The following ANTXRL variants were observed in gnomAD, a reference collection of about 807,000 sequenced individuals.
ANTXRL encodes anthrax toxin receptor-like.
In ANTXRL, 63 loss-of-function variants were observed where a neutral mutation model predicts 75.4. That is an observed-to-expected ratio of 0.84 (90% confidence interval 0.68 to 1.03). The LOEUF is 1.03. Ranked by LOEUF, ANTXRL falls within the 50% of genes least tolerant of loss-of-function variation. The pLI, the probability that ANTXRL is intolerant of heterozygous loss-of-function variation, is 0.00. For synonymous variants in ANTXRL, 335 were observed against 291.3 expected, an observed-to-expected ratio of 1.15 and a Z score of -1.53; for missense variants, 797 against 789.4, an observed-to-expected ratio of 1.01 and a Z score of -0.12.
chr10:46,293,299 TGTGTGTGTGTGCGTGTGTGC>T (rs1837110554), intron 2 of ANTXRL, among the ~76,000 whole-genome samples: 1 of 40,446 alleles, frequency 2.5e-5, no homozygotes, highest in Admixed American at 2.7e-4. Context: ...CGTGTGTGCC[TGTGTGTGTGTGCGTGTGTGC>T]CTGTGTGTGA....
intron 13 of ANTXRL, 91 bp from the exon 14 acceptor site, chr10:46,310,370 G>C: frequency 8.1e-7 from 1 of 1,241,934 alleles, no homozygotes; most frequent in Non-Finnish European, 1.1e-6. Flanking sequence ...CTGTCCTGGT[G>C]CTCCAGGCCA....
At chr10:46,300,973 C>T (rs1322280556) in intron 9 of ANTXRL, among the ~76,000 whole-genome samples, 6 of 150,560 alleles carry the variant, frequency 4.0e-5, no homozygotes, top group Admixed American at 4.0e-4. Context: ...TGGCCATGTT[C>T]CTTTATCTCT....
At position 46,330,064 on chromosome 10, in the gene ANTXRL, C is replaced by T. The variant is rs782628461; in HGVS notation, c.1876C>T (p.Pro626Ser). The change falls in exon 17 of 17, where the codon CCC becomes TCC. Residue 626 changes from proline to serine, a missense_variant. By Grantham distance (74) the Pro-to-Ser change is moderately conservative (BLOSUM62 -1). Transcript: ENST00000620264. ...GGCAGAACCCCCTTTGTCACTCCCC[C>T]CCTCAGAGCCCAACTTCTAAGGCAC... ...HTAEPPLSLPPSEPNF is the reference protein window; with the variant it reads ...HTAEPPLSLPSSEPNF 43 of 1,520,262 alleles carry T rather than the reference C, an allele frequency of 2.8e-5. No homozygotes were observed. The highest frequency in any genetic ancestry group is 1.7e-4 in the South Asian group (14 of 81,872). The allele number at this position is 1,520,262 out of a possible 1,614,324, so 94.2% of individuals were successfully genotyped here.
rs574005051 is a variant in ANTXRL at position 46,307,217 on chromosome 10, G to A, written c.966-185G>A. 2.4e-4 allele frequency among the ~76,000 whole-genome samples: 37 copies of A among 152,178 alleles called. 1 individual carries two copies. Among genetic ancestry groups the A allele is most frequent in the Admixed American group, 1.6e-3 (25 of 15,284 alleles). Reference sequence around the variant, plus strand: ...GCAGCAGTCCCTGGTCATTTAGGACGCGGTCACAATGGCATGAGACCCCAT... The same window carrying A: ...GCAGCAGTCCCTGGTCATTTAGGACACGGTCACAATGGCATGAGACCCCAT... On this transcript the variant is annotated intron_variant, in intron 11 of 16. Transcript: ENST00000620264.
rs571951525 is a variant in ANTXRL at position 46,314,469 on chromosome 10, C to T, written c.1410+1153C>T. On this transcript the variant is annotated intron_variant, in intron 16 of 16. Coordinates refer to ENST00000620264, the MANE Select transcript of ANTXRL (RefSeq NM_001278688.3). Reference sequence around the variant, plus strand: ...CTTAGGAGGGATAGAGCTTGACGGCCGAGTGTGAAAACAGGCACCTCAAGC... The same window carrying T: ...CTTAGGAGGGATAGAGCTTGACGGCTGAGTGTGAAAACAGGCACCTCAAGC... Among the ~76,000 whole-genome samples, 21 of 152,064 alleles carry T rather than the reference C, an allele frequency of 1.4e-4. No homozygotes were observed. In the East Asian group the frequency reaches 3.5e-3, roughly 25 times the overall value.
At chr10:46,309,015 A>C in intron 12 of ANTXRL, 98 bp from the exon 13 acceptor site, 1 of 1,500,936 alleles carries the variant, frequency 6.7e-7, no homozygotes. Flanking sequence ...ATGCGGGGCC[A>C]GCTAGGGAGA....
chr10:46,293,880 C>G lies in ANTXRL; in HGVS notation c.372C>G (p.Val124=), dbSNP rs1554957659. 6.5e-7 allele frequency: 1 copy of G among 1,535,728 alleles called. No individual in the cohort carries two copies. The highest frequency in any genetic ancestry group is 2.4e-5 in the East Asian group (1 of 40,898). ...CCTACTCCACAGACGGCCAGACTGT[C>G]TTGCCACTCACCTCAGACAAGTGAG... ...FITYSTDGQT[V]LPLTSDKNRI... The change falls in exon 3 of 17, where the codon GTC becomes GTG. Residue 124 remains valine, a synonymous_variant. Transcript: ENST00000620264.
At chr10:46,324,672 ATTAT>A (rs1486920854) in intron 16 of ANTXRL, among the ~76,000 whole-genome samples, 2 of 152,136 alleles carry the variant, frequency 1.3e-5, no homozygotes, top group South Asian at 2.1e-4. Flanking sequence ...CGCACTTTTA[ATTAT>A]TTCTCTATCA....
chr10:46,294,729 C>T lies in ANTXRL; in HGVS notation c.392+829C>T, dbSNP rs190384112. Among the ~76,000 whole-genome samples, 405 of 152,160 alleles carry T rather than the reference C, an allele frequency of 2.7e-3. 4 individuals carry two copies. The highest frequency in any genetic ancestry group is 8.7e-3 in the African/African-American group (362 of 41,506). On this transcript the variant is annotated intron_variant, in intron 3 of 16. Transcript: ENST00000620264. ...GCAAGTCTATGGGGGAGGACTGTGG[C>T]GAGTGACCCAGACGGGGAGCGGGGT...
chr10:46,319,698 G>A (rs549320220), intron 16 of ANTXRL, among the ~76,000 whole-genome samples: 4 of 152,110 alleles, frequency 2.6e-5, no homozygotes, highest in African/African-American at 7.2e-5. Context: ...CTGGAAAGTC[G>A]CTAGAATAAA....
intron 3 of ANTXRL, among the ~76,000 whole-genome samples, chr10:46,294,529 C>G (rs186555811): frequency 6.8e-4 from 103 of 152,196 alleles, no homozygotes; most frequent in African/African-American, 2.5e-3. Context: ...TGCACATGCC[C>G]GGAACTGGGC....
intron 16 of ANTXRL, among the ~76,000 whole-genome samples, chr10:46,322,315 A>T (rs1002826140): frequency 6.6e-6 from 1 of 151,970 alleles, no homozygotes; most frequent in Non-Finnish European, 1.5e-5. Flanking sequence ...AAAATTAGCC[A>T]GGTGTGGTGG....
At chr10:46,296,725 G>A (rs573317254) in intron 5 of ANTXRL, among the ~76,000 whole-genome samples, 3 of 152,280 alleles carry the variant, frequency 2.0e-5, no homozygotes, top group Non-Finnish European at 2.9e-5. Flanking sequence ...GAGGAAAGGC[G>A]TTGAGGTGGC....
chr10:46,297,240 C>T lies in ANTXRL; in HGVS notation c.509-12C>T. 1 of 1,535,966 alleles carries T rather than the reference C, an allele frequency of 6.5e-7. No homozygotes were observed. The highest frequency in any genetic ancestry group is 8.7e-7 in the Non-Finnish European group (1 of 1,146,480). On this transcript the variant is annotated splice_polypyrimidine_tract_variant and intron_variant, in intron 5 of 16. Transcript: ENST00000620264. ...CCTTTGCTGAGCAGGCCACTCTTTG[C>T]TTCTTCTACAGACAAGGTTCCCAGC...
intron 12 of ANTXRL, among the ~76,000 whole-genome samples, chr10:46,308,020 G>C (rs1182995627): frequency 1.3e-5 from 2 of 152,182 alleles, no homozygotes; most frequent in East Asian, 3.9e-4. Flanking sequence ...TGGAGATGCT[G>C]TGCCCCAGGT....
At chr10:46,316,403 A>G (rs1838726909) in intron 16 of ANTXRL, among the ~76,000 whole-genome samples, 2 of 152,164 alleles carry the variant, frequency 1.3e-5, no homozygotes, top group African/African-American at 2.4e-5. Flanking sequence ...AAAGTTAGGT[A>G]ACCCACCCAG....
At chr10:46,329,406 C>T (rs750588377) in intron 16 of ANTXRL, among the ~76,000 whole-genome samples, 193 bp from the exon 17 acceptor site, 52 of 152,192 alleles carry the variant, frequency 3.4e-4, no homozygotes, top group Non-Finnish European at 7.2e-4. Context: ...GGACTTTGAA[C>T]GCTGGAGCTG....
intron 1 of ANTXRL, among the ~76,000 whole-genome samples, chr10:46,290,615 A>G (rs1395664596): frequency 1.3e-5 from 2 of 152,172 alleles, no homozygotes; most frequent in East Asian, 3.8e-4. Context: ...GTTTTTGATA[A>G]TAGTCACCCC....
chr10:46,297,257 GT>G lies in ANTXRL; in HGVS notation c.516del (p.Ser174AlafsTer2). On this transcript the variant is annotated frameshift_variant, in exon 6 of 17. Transcript: ENST00000620264. LOFTEE classifies it high-confidence loss of function. Reference protein sequence around the residue: ...QIESFNSGNKVPSMIIAMTDG... With the variant: ...QIESFNSGNKXPSMIIAMTDG... ...ACTCTTTGCTTCTTCTACAGACAAGGTTCCCAGCATGATTATTGCTATGACT... is the reference window on the plus strand; with the variant it reads ...ACTCTTTGCTTCTTCTACAGACAAGGTCCCAGCATGATTATTGCTATGACT... 1 of 1,536,400 alleles carries G rather than the reference GT, an allele frequency of 6.5e-7. No individual in the cohort carries two copies. Among genetic ancestry groups the G allele is most frequent in the Non-Finnish European group, 8.7e-7 (1 of 1,146,806 alleles).
Sources: allele counts gnomAD v4.1 joint callset (sites outside exome capture counted in the v4.1 genomes callset), GRCh38; gene constraint gnomAD v4.1.1; transcripts MANE v1.5; gene names NCBI Gene and HGNC (gene_info 2026-07-23, HGNC 2026-07-21).